The following ACCSL variants were observed in gnomAD, a reference collection of about 807,000 sequenced individuals.
The protein encoded by ACCSL is 1-aminocyclopropane-1-carboxylate synthase homolog (inactive) like.
In ACCSL, 55 loss-of-function variants were observed where a neutral mutation model predicts 61.7. The observed-to-expected ratio is 0.89, with a 90% CI of 0.72 to 1.12. ACCSL has a LOEUF of 1.12. ACCSL is among the 50% of genes most tolerant of loss of function. The pLI, the probability that ACCSL is intolerant of heterozygous loss-of-function variation, is 0.00. For synonymous variants in ACCSL, 258 were observed against 264.3 expected (o/e 0.98, Z 0.23); for missense variants, 632 against 698.0 (o/e 0.91, Z 1.07).
At chr11:43,949,688 G>T in the ACCSL span, among the ~76,000 whole-genome samples, 1 of 152,094 alleles carries the variant, frequency 6.6e-6, no homozygotes, top group South Asian at 2.1e-4. Flanking sequence ...GGTGGCACAC[G>T]CCTGTAATCC....
At position 44,058,642 on chromosome 11, in the gene ACCSL, A is replaced by G. The variant is rs1952687025; in HGVS notation, c.1567A>G (p.Lys523Glu). The G allele has an allele frequency of 4.3e-6, 7 of 1,614,090 alleles. No homozygotes were observed. The highest frequency in any genetic ancestry group is 5.9e-6 in the Non-Finnish European group (7 of 1,179,986). Residue 523 changes from lysine to glutamate, a missense_variant, in exon 13 of 14, where the codon AAG becomes GAG. Lys to Glu is a moderately conservative substitution (Grantham distance 56). Transcript: ENST00000378832. ...ATCCCGTGGCAAAACCTACATGTGT[A>G]AGGAGCCAGGCTGGTTCTGCCTCAT... ...LLSRGKTYMC[K>E]EPGWFCLIFA...
At chr11:44,057,055 T>A (rs1383250656) in intron 11 of ACCSL, among the ~76,000 whole-genome samples, 1 of 152,242 alleles carries the variant, frequency 6.6e-6, no homozygotes, top group South Asian at 2.1e-4. Flanking sequence ...ATTCTTCTAA[T>A]ACAACATAAT....
chr11:44,051,079 G>A (rs755272996), intron 3 of ACCSL, among the ~76,000 whole-genome samples: 5 of 152,170 alleles, frequency 3.3e-5, no homozygotes, highest in Admixed American at 6.5e-5. Flanking sequence ...CTGACCTTGT[G>A]ATCCACCCGC....
At chr11:44,000,725 A>AAAAGGAAGAAAG in the ACCSL span, among the ~76,000 whole-genome samples, 2 of 146,702 alleles carry the variant, frequency 1.4e-5, no homozygotes, top group Non-Finnish European at 3.0e-5. Flanking sequence ...TCTGCCTCAA[A>AAAAGGAAGAAAG]AAAGAAAGAA....
chr11:43,940,934 C>G, the ACCSL span, among the ~76,000 whole-genome samples: 56 of 152,310 alleles, frequency 3.7e-4, no homozygotes, highest in African/African-American at 1.3e-3. Flanking sequence ...GTTTGAATCT[C>G]AGCTCTTGCT....
the ACCSL span, among the ~76,000 whole-genome samples, chr11:43,939,769 G>T: frequency 6.6e-6 from 1 of 152,158 alleles, no homozygotes; most frequent in Admixed American, 6.6e-5. Context: ...ACCACACCTG[G>T]CTAATTTTTG....
At chr11:44,053,170 G>GGTGAATGA in intron 7 of ACCSL, 102 bp downstream of exon 7, 1 of 1,086,872 alleles carries the variant, frequency 9.2e-7, no homozygotes, top group Admixed American at 2.0e-5. Context: ...CTGGTGGGCT[G>GGTGAATGA]TCCTTAGTTG....
At chr11:43,953,360 A>G in the ACCSL span, among the ~76,000 whole-genome samples, 1 of 151,328 alleles carries the variant, frequency 6.6e-6, no homozygotes, top group African/African-American at 2.4e-5. Context: ...CATCTCTACT[A>G]AAAATACAAA....
intron 8 of ACCSL, 66 bp downstream of exon 8, chr11:44,053,572 G>A: frequency 1.4e-6 from 2 of 1,445,502 alleles, no homozygotes; most frequent in South Asian, 2.3e-5. Context: ...TTATAGTCAA[G>A]TAATCAAGAG....
At chr11:43,935,251 CACACACGCAT>C in the ACCSL span, among the ~76,000 whole-genome samples, 423 of 152,342 alleles carry the variant, frequency 2.8e-3, 2 homozygotes, top group African/African-American at 9.9e-3. Flanking sequence ...TGTACACGCA[CACACACGCAT>C]ACACACATGT....
chr11:43,968,750 G>T, the ACCSL span, among the ~76,000 whole-genome samples: 69 of 152,284 alleles, frequency 4.5e-4, no homozygotes, highest in Non-Finnish European at 7.8e-4. Context: ...TGGGGATGGC[G>T]AGTGGTGAGA....
chr11:43,992,054 CTTTTT>C, the ACCSL span, among the ~76,000 whole-genome samples: 1 of 114,146 alleles, frequency 8.8e-6, no homozygotes, highest in Non-Finnish European at 1.7e-5. Flanking sequence ...TTCTTTCTTT[CTTTTT>C]TTTTTTTTTT....
At chr11:44,028,642 G>C in the ACCSL span, among the ~76,000 whole-genome samples, 1 of 152,076 alleles carries the variant, frequency 6.6e-6, no homozygotes, top group Non-Finnish European at 1.5e-5. Context: ...CCTTACCCAG[G>C]GGTCAGCAGA....
the ACCSL span, among the ~76,000 whole-genome samples, chr11:43,971,138 G>A: frequency 6.6e-6 from 1 of 152,148 alleles, no homozygotes; most frequent in South Asian, 2.1e-4. Context: ...TTCAAGACCA[G>A]CCTGGCCAAC....
the ACCSL span, among the ~76,000 whole-genome samples, chr11:44,003,888 TACCTCACTTGGAGGAACCTC>T: frequency 6.6e-6 from 1 of 151,906 alleles, no homozygotes; most frequent in East Asian, 1.9e-4. Context: ...GGATAGGGGG[TACCTCACTTGGAGGAACCTC>T]ACCAGGCCCT....
intron 11 of ACCSL, 108 bp from the exon 12 acceptor site, chr11:44,058,209 A>G: frequency 7.6e-7 from 1 of 1,318,232 alleles, no homozygotes; most frequent in Non-Finnish European, 1.0e-6. Flanking sequence ...CAAAACAAAA[A>G]CAAACAAACA....
the ACCSL span, among the ~76,000 whole-genome samples, chr11:43,980,133 A>C: frequency 6.6e-6 from 1 of 152,152 alleles, no homozygotes; most frequent in Non-Finnish European, 1.5e-5. Flanking sequence ...CATACATGTA[A>C]ATCTCTCATT....
At chr11:44,017,201 T>C in the ACCSL span, among the ~76,000 whole-genome samples, 1 of 152,140 alleles carries the variant, frequency 6.6e-6, no homozygotes, top group Non-Finnish European at 1.5e-5. Context: ...TGTTCCAGGA[T>C]GGCTTCCAGG....
chr11:43,943,493 G>A, the ACCSL span: 4 of 1,381,380 alleles, frequency 2.9e-6, no homozygotes, highest in Middle Eastern at 2.0e-4. This position sits in a 1 kb window ranked among gnomAD's most constrained non-coding sequence, Gnocchi z 4.8. Flanking sequence ...CGCTTTCCTC[G>A]TCCTTGTAAA....
Sources: allele counts gnomAD v4.1 joint callset (sites outside exome capture counted in the v4.1 genomes callset), GRCh38; gene constraint gnomAD v4.1.1; non-coding constraint Gnocchi (gnomAD v3.1); transcripts MANE v1.5; gene names NCBI Gene and HGNC (gene_info 2026-07-23, HGNC 2026-07-21).